The following NOX3 variants were observed in gnomAD, a reference collection of about 807,000 sequenced individuals.
The protein encoded by NOX3 is NADPH oxidase catalytic subunit-like 3.
A neutral mutation model predicts 76.7 loss-of-function variants in NOX3; 74 were observed. That is an observed-to-expected ratio of 0.96 (90% CI 0.80 to 1.17). The LOEUF (loss-of-function observed/expected upper bound fraction) is 1.17. Ranked by LOEUF, NOX3 falls within the 50% of genes most tolerant of loss-of-function variation. The pLI is 0.00. For synonymous variants in NOX3, 263 were observed against 261.1 expected, an observed-to-expected ratio of 1.01 and a Z score of -0.07; for missense variants, 695 against 703.3, an observed-to-expected ratio of 0.99 and a Z score of 0.13.
chr6:155,410,137 A>G lies in NOX3; in HGVS notation c.1455+1077T>C, dbSNP rs566740818. ...TAATTCATTAAGATGTTTCAAGCCT[A>G]GTTCCCAAGAAAGCTACATTTCAAA... On this transcript the variant is annotated intron_variant, in intron 11 of 13. Coordinates refer to ENST00000159060, the MANE Select transcript of NOX3 (RefSeq NM_015718.3). Among the ~76,000 whole-genome samples, 5 of 152,366 alleles carry G rather than the reference A, an allele frequency of 3.3e-5. No individual in the cohort carries two copies. The East Asian group carries it at 7.7e-4, about 24-fold the overall frequency.
At chr6:155,445,588 A>G (rs1022972262) in intron 4 of NOX3, among the ~76,000 whole-genome samples, 1 of 152,132 alleles carries the variant, frequency 6.6e-6, no homozygotes, top group African/African-American at 2.4e-5. Context: ...GTTGACTTCT[A>G]TCACACATTC....
At position 155,440,185 on chromosome 6, in the gene NOX3, C is replaced by T. The variant is rs76914451; in HGVS notation, c.487-48G>A. 1.9e-3 allele frequency: 2,666 copies of T among 1,428,304 alleles called. 48 individuals carry two copies. The African/African-American group carries it at 0.034, about 18-fold the overall frequency. 88.5% of individuals were successfully genotyped at this position (1,428,304 alleles called of 1,614,324 possible). A position where few individuals can be genotyped will look rare whatever the true frequency, so the allele number is the denominator to read the frequency against. ...AAAAAGAAACAAACAAAAAAAAACA[C>T]CTTGACATTAAATATCCTGGCATAT... is the stretch of plus-strand genomic sequence containing the variant. On this transcript the variant is annotated intron_variant, in intron 5 of 13. Transcript: ENST00000159060.
chr6:155,416,352 T>A (rs1222569472), intron 10 of NOX3, among the ~76,000 whole-genome samples: 1 of 152,226 alleles, frequency 6.6e-6, no homozygotes, highest in Non-Finnish European at 1.5e-5. Context: ...GAAAATATAT[T>A]ACCTCCTCAA....
At chr6:155,449,892 A>C (rs1777112765) in intron 4 of NOX3, among the ~76,000 whole-genome samples, 1 of 152,242 alleles carries the variant, frequency 6.6e-6, no homozygotes. Flanking sequence ...AATCTACCAG[A>C]AGAAGAAAAT....
At chr6:155,440,468 C>A (rs1776969346) in intron 5 of NOX3, among the ~76,000 whole-genome samples, 1 of 151,134 alleles carries the variant, frequency 6.6e-6, no homozygotes, top group South Asian at 2.1e-4. Context: ...GGAAAAAAAA[C>A]CCACATAAAT....
intron 7 of NOX3, among the ~76,000 whole-genome samples, chr6:155,435,830 A>G (rs1562468229): frequency 1.3e-5 from 2 of 152,304 alleles, no homozygotes; most frequent in East Asian, 1.9e-4. Flanking sequence ...CTGACTTTTC[A>G]GATCTGTGGA....
At chr6:155,452,638 C>CT (rs34384795) in intron 4 of NOX3, among the ~76,000 whole-genome samples, 66,013 of 149,444 alleles carry the variant, frequency 0.44, 14,547 homozygotes, top group South Asian at 0.58. Flanking sequence ...TTTTACTCTG[C>CT]TTTTTTTTTT....
At chr6:155,409,499 G>A (rs889937875) in intron 11 of NOX3, among the ~76,000 whole-genome samples, 1 of 152,130 alleles carries the variant, frequency 6.6e-6, no homozygotes, top group East Asian at 1.9e-4. Flanking sequence ...CAAACATTTG[G>A]AATGATATTT....
chr6:155,449,438 C>T (rs1478566081), intron 4 of NOX3, among the ~76,000 whole-genome samples: 1 of 152,074 alleles, frequency 6.6e-6, no homozygotes, highest in Non-Finnish European at 1.5e-5. Context: ...TTAATAAGAA[C>T]GAAGAGGCTG....
At chr6:155,426,984 C>CGTGTGCGTGTGTGT (rs1554263747) in intron 9 of NOX3, among the ~76,000 whole-genome samples, 68 of 41,912 alleles carry the variant, frequency 1.6e-3, no homozygotes, top group East Asian at 6.4e-3. Flanking sequence ...GACACTGTGG[C>CGTGTGCGTGTGTGT]GTGTGTGTGT....
In NOX3 at chr6:155,430,224, C is replaced by G. The variant is rs78134030; in HGVS notation, c.891+619G>C. The stretch of plus-strand genomic sequence containing the variant: ...CATGCATTTTTTTGGTCTTGGTCTA[C>G]CCCTTCCCGTCTTCCTCCAGCAAGA... On this transcript the variant is annotated intron_variant, in intron 8 of 13. Coordinates refer to ENST00000159060, the MANE Select transcript of NOX3 (RefSeq NM_015718.3). Among the ~76,000 whole-genome samples the G allele has an allele frequency of 1.1e-4, 17 of 152,236 alleles. No individual in the cohort carries two copies. The East Asian group carries it at 3.3e-3, about 29-fold the overall frequency.
chr6:155,407,120 C>A lies in NOX3; in HGVS notation c.1580+10G>T, dbSNP rs1381909701. 3.1e-6 allele frequency: 5 copies of A among 1,613,874 alleles called. No individual in the cohort carries two copies. The highest frequency in any genetic ancestry group is 1.7e-5 in the Admixed American group (1 of 60,010). ...AGCCTGGCAGGGAGAGGAGCAAGAG[C>A]TTGCCTTACCTGGGGTGATTGTAGG... On this transcript the variant is annotated intron_variant, in intron 12 of 13. Coordinates refer to ENST00000159060, the MANE Select transcript of NOX3 (RefSeq NM_015718.3).
intron 12 of NOX3, among the ~76,000 whole-genome samples, chr6:155,403,811 C>G (rs1779265622): frequency 6.6e-6 from 1 of 152,148 alleles, no homozygotes; most frequent in Non-Finnish European, 1.5e-5. Context: ...TCCTTGGTCT[C>G]TTGATGCTCC....
chr6:155,403,573 T>G (rs1286179364), intron 12 of NOX3, among the ~76,000 whole-genome samples: 1 of 152,238 alleles, frequency 6.6e-6, no homozygotes, highest in Non-Finnish European at 1.5e-5. Flanking sequence ...AGAGAGAGTT[T>G]GCATAGCTAC....
intron 6 of NOX3, 141 bp from the exon 7 acceptor site, chr6:155,436,688 TC>T (rs1479567483): frequency 2.5e-5 from 20 of 814,716 alleles, no homozygotes; most frequent in Non-Finnish European, 3.3e-5. Flanking sequence ...GGGCTGTCAT[TC>T]ATTTCCCCCA....
intron 10 of NOX3, among the ~76,000 whole-genome samples, chr6:155,421,262 C>T (rs192478004): frequency 1.1e-3 from 172 of 152,328 alleles, no homozygotes; most frequent in Non-Finnish European, 1.6e-3. Flanking sequence ...AATTTAATCT[C>T]TCCAAGCTTC....
chr6:155,425,077 C>T (rs1463074834), intron 9 of NOX3, among the ~76,000 whole-genome samples: 1 of 152,184 alleles, frequency 6.6e-6, no homozygotes, highest in Non-Finnish European at 1.5e-5. Context: ...AACTGCGGGG[C>T]ACCTTGTTCC....
intron 9 of NOX3, among the ~76,000 whole-genome samples, chr6:155,428,270 T>C (rs231951): frequency 0.88 from 133,658 of 152,284 alleles, 58,892 homozygotes; most frequent in East Asian, 0.96. Context: ...GTACTTAGGA[T>C]GTGACCTTAT....
chr6:155,409,842 C>T (rs922535376), intron 11 of NOX3, among the ~76,000 whole-genome samples: 1 of 152,158 alleles, frequency 6.6e-6, no homozygotes, highest in Non-Finnish European at 1.5e-5. Flanking sequence ...ATAGCATATT[C>T]TTGGAAGTAG....
Sources: gnomAD v4.1 joint callset for allele counts (sites outside exome capture counted in the v4.1 genomes callset) on GRCh38, gnomAD v4.1.1 for gene constraint, MANE v1.5 for transcripts, NCBI Gene and HGNC (gene_info 2026-07-23, HGNC 2026-07-21) for gene names.